Variants in IPO9 observed in about 807,000 individuals in gnomAD.
The protein encoded by IPO9 is importin 9.
A neutral mutation model predicts 128.6 loss-of-function variants in IPO9; 28 were observed. That is an observed-to-expected ratio of 0.22 (90% CI 0.16 to 0.30). IPO9 has a LOEUF of 0.30. Among genes scored for constraint, IPO9 ranks in the 10% least tolerant of loss-of-function variants. IPO9 has a pLI of 1.00. For synonymous variants in IPO9, 455 were observed against 475.8 expected (o/e 0.96, Z 0.57); for missense variants, 935 against 1,293.9 (o/e 0.72, Z 4.26).
At chr1:201,860,458 TG>T (rs1473634973) in intron 13 of IPO9, among the ~76,000 whole-genome samples, 1 of 152,234 alleles carries the variant, frequency 6.6e-6, no homozygotes, top group East Asian at 1.9e-4. Context: ...GTCTAATCTT[TG>T]TATCCTACAA....
intron 19 of IPO9, among the ~76,000 whole-genome samples, chr1:201,872,507 G>A (rs1680671865): frequency 6.6e-6 from 1 of 152,066 alleles, no homozygotes; most frequent in East Asian, 1.9e-4. Flanking sequence ...GGGAGGCTGA[G>A]GTGGGAGGAT....
chr1:201,839,967 G>A (rs1386524511), intron 1 of IPO9, among the ~76,000 whole-genome samples: 1 of 151,954 alleles, frequency 6.6e-6, no homozygotes, highest in Non-Finnish European at 1.5e-5. Context: ...AAAAATTGAG[G>A]AACAAAGGAC....
chr1:201,866,667 AGATT>A, intron 14 of IPO9, 62 bp from the exon 15 acceptor site: 1 of 1,210,652 alleles, frequency 8.3e-7, no homozygotes, highest in Non-Finnish European at 1.2e-6. Flanking sequence ...ATAATATGTG[AGATT>A]GATTGGGAAA....
Position 201,863,470 on chromosome 1 carries a change from G to A in IPO9, c.1491G>A (p.Arg497=), listed in dbSNP as rs751283233. The part of the protein sequence containing the change: ...NLSVSPFLLG[R]ALWAASRFTV... ...CAGTGTCTCCTTTCCTCTTGGGCCG[G>A]GCACTTTGGGCTGCCAGTCGGTTCA... Residue 497 remains arginine, a synonymous_variant, in exon 14 of 24, where the codon CGG becomes CGA. Coordinates refer to ENST00000361565, the MANE Select transcript of IPO9 (RefSeq NM_018085.5). The A allele has an allele frequency of 1.3e-6, 2 of 1,580,390 alleles. No homozygotes were observed. The highest frequency in any genetic ancestry group is 1.7e-6 in the Non-Finnish European group (2 of 1,153,984).
intron 1 of IPO9, among the ~76,000 whole-genome samples, chr1:201,839,957 AAAAATTGAGGAACAAAGGACC>A (rs1425318906): frequency 1.6e-4 from 24 of 152,244 alleles, no homozygotes; most frequent in Admixed American, 1.6e-3. Flanking sequence ...AAGAATTCTT[AAAAATTGAGGAACAAAGGACC>A]AAAACAACAC....
intron 13 of IPO9, 92 bp downstream of exon 13, chr1:201,859,086 A>G: frequency 7.7e-7 from 1 of 1,303,790 alleles, no homozygotes; most frequent in Non-Finnish European, 1.1e-6. Context: ...TACCTGATGT[A>G]AGTGACAAGT....
chr1:201,862,384 G>A (rs1017192232), intron 13 of IPO9, among the ~76,000 whole-genome samples: 2 of 151,908 alleles, frequency 1.3e-5, no homozygotes, highest in African/African-American at 4.8e-5. Flanking sequence ...CTCGAACCCG[G>A]GAAGCAGCGG....
chr1:201,861,946 G>A (rs1680455889), intron 13 of IPO9, among the ~76,000 whole-genome samples: 1 of 151,574 alleles, frequency 6.6e-6, no homozygotes, highest in Non-Finnish European at 1.5e-5. Flanking sequence ...TATGAACAAG[G>A]CAGAGAGCTG....
chr1:201,851,121 G>A (rs1680207907), intron 4 of IPO9, among the ~76,000 whole-genome samples: 1 of 151,108 alleles, frequency 6.6e-6, no homozygotes, highest in African/African-American at 2.4e-5. Context: ...GCTCAAGCGA[G>A]CCTCCTGCCT....
At position 201,870,606 on chromosome 1, in the gene IPO9, C is replaced by G. The variant is rs769995375; in HGVS notation, c.2157C>G (p.Ala719=). 5 of 1,614,088 alleles carry G rather than the reference C, an allele frequency of 3.1e-6. No homozygotes were observed. Among genetic ancestry groups the G allele is most frequent in the Non-Finnish European group, 4.2e-6 (5 of 1,179,950 alleles). Residue 719 remains alanine, a synonymous_variant, in exon 18 of 24, where the codon GCC becomes GCG. Transcript: ENST00000361565. This position sits in a 1 kb window ranked among gnomAD's most constrained non-coding sequence, Gnocchi z 4.9. ...AGAATGGCGGAGAGTGCTTGCGGGC[C>G]TATGTGTCAGTGACCCTGGAACAAG... is the stretch of plus-strand genomic sequence containing the variant. ...TMQNGGECLR[A]YVSVTLEQVA...
intron 19 of IPO9, 139 bp downstream of exon 19, chr1:201,871,466 AAC>A (rs2102889343): frequency 1.7e-6 from 1 of 574,740 alleles, no homozygotes; most frequent in African/African-American, 2.2e-5. Context: ...GGCTCACTGC[AAC>A]CTCCACCTCC....
rs192587336 is a variant in IPO9, at chr1:201,849,286, A to G, written c.514+692A>G. On this transcript the variant is annotated intron_variant, in intron 4 of 23. Transcript: ENST00000361565. ...TATCTCTTCTAAACCTGATTAAGCT[A>G]TCAATCCCTCCCAGAATCTGCTTTC... is the stretch of plus-strand genomic sequence containing the variant. Among the ~76,000 whole-genome samples, 120 of 152,292 alleles carry G rather than the reference A, an allele frequency of 7.9e-4. 1 individual carries two copies. The highest frequency in any genetic ancestry group is 2.6e-3 in the African/African-American group (109 of 41,550).
chr1:201,872,999 ACGAAGGG>A, intron 20 of IPO9, 38 bp downstream of exon 20: 2 of 1,590,514 alleles, frequency 1.3e-6, no homozygotes, highest in Non-Finnish European at 1.7e-6. Flanking sequence ...CTCTCCCTAT[ACGAAGGG>A]GCTAAGGATA....
At chr1:201,874,517 A>C (rs1680722191) in intron 21 of IPO9, 145 bp downstream of exon 21, 2 of 931,624 alleles carry the variant, frequency 2.1e-6, no homozygotes, top group Admixed American at 5.5e-5. Context: ...CATGCTAGGC[A>C]CTAGGCATGT....
chr1:201,879,265 A>C lies in IPO9; in HGVS notation c.*3211A>C, dbSNP rs1039384470. On this transcript the variant is annotated 3_prime_UTR_variant, in exon 24 of 24. Coordinates refer to ENST00000361565, the MANE Select transcript of IPO9 (RefSeq NM_018085.5). ...ATGGACTTCAGAGAAAATGATGCTA[A>C]ACTGGTCTTAGAATCTTCTTTAATT... The C allele has an allele frequency of 4.6e-5, 7 of 152,250 alleles. No individual in the cohort carries two copies. Among genetic ancestry groups the C allele is most frequent in the African/African-American group, 1.7e-4 (7 of 41,472 alleles). 9.4% of individuals were successfully genotyped at this position (152,250 alleles called of 1,614,324 possible).
chr1:201,864,248 C>T (rs1378936759), intron 14 of IPO9, among the ~76,000 whole-genome samples: 1 of 152,164 alleles, frequency 6.6e-6, no homozygotes, highest in African/African-American at 2.4e-5. Flanking sequence ...TTTTGAGATG[C>T]CGTGTGTTAT....
chr1:201,868,484 T>A (rs1680594806), intron 15 of IPO9, among the ~76,000 whole-genome samples, 164 bp from the exon 16 acceptor site: 1 of 152,180 alleles, frequency 6.6e-6, no homozygotes, highest in Non-Finnish European at 1.5e-5. Flanking sequence ...ATCTCTCCTG[T>A]TCTTTCAGGT....
chr1:201,873,738 A>G (rs1173641693), intron 20 of IPO9, among the ~76,000 whole-genome samples: 1 of 151,680 alleles, frequency 6.6e-6, no homozygotes, highest in Non-Finnish European at 1.5e-5. Context: ...TAAGAGCAAA[A>G]CTCTGTCTGA....
Position 201,847,463 on chromosome 1 carries a change from T to C in IPO9, c.226-89T>C, listed in dbSNP as rs1030608668. 10 of 1,348,798 alleles carry C rather than the reference T, an allele frequency of 7.4e-6. No individual in the cohort carries two copies. The Admixed American group carries it at 1.6e-4, about 22-fold the overall frequency. The allele number at this position is 1,348,798 out of a possible 1,614,324, so 83.6% of individuals were successfully genotyped here. A position where few individuals can be genotyped will look rare whatever the true frequency, so the allele number is the denominator to read the frequency against. Reference sequence around the variant, plus strand: ...TAGGATGTTGTGCCAGATTTAGATATACTTCAGATGTATCAGGCTATGTAT... The same window carrying C: ...TAGGATGTTGTGCCAGATTTAGATACACTTCAGATGTATCAGGCTATGTAT... On this transcript the variant is annotated intron_variant, in intron 2 of 23. Transcript: ENST00000361565.
Sources: allele counts gnomAD v4.1 joint callset (sites outside exome capture counted in the v4.1 genomes callset), GRCh38; gene constraint gnomAD v4.1.1; non-coding constraint Gnocchi (gnomAD v3.1); transcripts MANE v1.5; gene names NCBI Gene and HGNC (gene_info 2026-07-23, HGNC 2026-07-21).